The following RBFOX2 variants were observed in gnomAD, a reference collection of about 807,000 sequenced individuals.
RBFOX2 encodes the protein RNA binding protein fox-1 homolog 2.
Under a neutral mutation model 49.1 loss-of-function variants are expected in RBFOX2, and 10 were observed. That is an observed-to-expected ratio of 0.20 (90% CI 0.13 to 0.35). The LOEUF is 0.35. Among genes scored for constraint, RBFOX2 ranks in the 10% least tolerant of loss-of-function variants. The pLI is 1.00. For synonymous variants in RBFOX2, 183 were observed against 187.4 expected, an observed-to-expected ratio of 0.98 and a Z score of 0.19; for missense variants, 323 against 486.9, an observed-to-expected ratio of 0.66 and a Z score of 3.17.
At chr22:35,978,232 A>T (rs774427289) in intron 1 of RBFOX2, among the ~76,000 whole-genome samples, 5 of 152,216 alleles carry the variant, frequency 3.3e-5, no homozygotes, top group Non-Finnish European at 7.3e-5. Flanking sequence ...ATCAGTGTGA[A>T]TTCATGATTT....
intron 4 of RBFOX2, among the ~76,000 whole-genome samples, chr22:35,774,421 A>G (rs1271331173): frequency 1.3e-5 from 2 of 152,142 alleles, no homozygotes; most frequent in African/African-American, 2.4e-5. Flanking sequence ...TTTCCATCAT[A>G]TATCTTAATA....
intron 1 of RBFOX2, among the ~76,000 whole-genome samples, chr22:35,855,555 G>T (rs1449943048): frequency 1.3e-5 from 2 of 152,080 alleles, no homozygotes; most frequent in Non-Finnish European, 2.9e-5. Flanking sequence ...ACAGGCGCAT[G>T]TCATGGCTCC....
intron 1 of RBFOX2, among the ~76,000 whole-genome samples, chr22:35,867,251 TACC>T (rs1359310848): frequency 6.6e-6 from 1 of 152,174 alleles, no homozygotes; most frequent in East Asian, 1.9e-4. Context: ...TTCCATCAAA[TACC>T]ACACTTGAAA....
chr22:35,746,702 T>C (rs1932875039), intron 9 of RBFOX2, 141 bp from the exon 12 acceptor site: 2 of 430,470 alleles, frequency 4.6e-6, no homozygotes, highest in Non-Finnish European at 8.2e-6. Flanking sequence ...GGGAAGAAAA[T>C]GTTTCAAACT....
chr22:35,967,346 C>G (rs2056620899), intron 1 of RBFOX2, among the ~76,000 whole-genome samples: 1 of 150,650 alleles, frequency 6.6e-6, no homozygotes, highest in South Asian at 2.1e-4. Context: ...CCACCGCACT[C>G]TAGCCTGGGC....
rs1303440924 is a variant in RBFOX2 at position 35,898,314 on chromosome 22, G to A, written c.-34+40533C>T. 2.9e-5 allele frequency: 21 copies of A among 734,976 alleles called. 1 individual carries two copies. In the Admixed American group the frequency reaches 3.7e-4, roughly 13 times the overall value. 45.5% of individuals were successfully genotyped at this position (734,976 alleles called of 1,614,324 possible). A position where few individuals can be genotyped will look rare whatever the true frequency, so the allele number is the denominator to read the frequency against. The stretch of plus-strand genomic sequence containing the variant: ...GCATGATGAAGCTGGCAATGGAGTG[G>A]GCTGTGACACACGGATGTGGCTATT... On this transcript the variant is annotated intron_variant, in intron 1 of 13. Transcript: ENST00000359369.
At chr22:35,959,416 G>C (rs1310486406) in intron 1 of RBFOX2, among the ~76,000 whole-genome samples, 1 of 152,176 alleles carries the variant, frequency 6.6e-6, no homozygotes, top group African/African-American at 2.4e-5. Flanking sequence ...TCTATACACT[G>C]GTTTAGCCAC....
intron 9 of RBFOX2, among the ~76,000 whole-genome samples, chr22:35,753,342 G>A (rs1935664634): frequency 6.6e-6 from 1 of 152,094 alleles, no homozygotes; most frequent in Admixed American, 6.5e-5. Context: ...CCTCACATGT[G>A]GAATACAGAA....
At chr22:35,873,945 G>GT (rs1321089142) in intron 1 of RBFOX2, among the ~76,000 whole-genome samples, 1 of 152,120 alleles carries the variant, frequency 6.6e-6, no homozygotes, top group Non-Finnish European at 1.5e-5. Context: ...AGAGTGCTGG[G>GT]ATTACAAGAG....
chr22:35,898,237 G>A (rs2048114795), intron 1 of RBFOX2: 6 of 757,550 alleles, frequency 7.9e-6, no homozygotes, highest in South Asian at 2.7e-5. Flanking sequence ...AAACCCAGTG[G>A]CCACAATCCC....
At chr22:35,926,075 T>C (rs925120628) in intron 1 of RBFOX2, among the ~76,000 whole-genome samples, 3 of 152,248 alleles carry the variant, frequency 2.0e-5, no homozygotes, top group Non-Finnish European at 4.4e-5. Context: ...CCCGTAACTA[T>C]ATTGTCCACC....
chr22:35,801,452 C>A (rs928315134), intron 2 of RBFOX2, among the ~76,000 whole-genome samples: 20 of 147,982 alleles, frequency 1.4e-4, no homozygotes, highest in Non-Finnish European at 2.7e-4. Flanking sequence ...CACACACTCT[C>A]TCTCTCTCTC....
intron 1 of RBFOX2, chr22:35,821,850 G>A (rs1954593509): frequency 1.9e-6 from 1 of 518,758 alleles, no homozygotes; most frequent in South Asian, 1.4e-5. Flanking sequence ...TGAAGGAAGG[G>A]GTCAAGTGAG....
intron 1 of RBFOX2, among the ~76,000 whole-genome samples, chr22:35,949,442 T>C (rs190041577): frequency 2.0e-5 from 3 of 152,224 alleles, no homozygotes; most frequent in African/African-American, 7.2e-5. Flanking sequence ...CTTTGGTGTT[T>C]GCACAGTGAC....
Position 35,804,123 on chromosome 22 carries a change from C to G in RBFOX2, c.252+5657G>C, listed in dbSNP as rs540979640. On this transcript the variant is annotated intron_variant, in intron 2 of 11. Coordinates refer to ENST00000405409, the Ensembl canonical transcript of RBFOX2. ...TGAAACCCCATCTCTACTAAAAATA[C>G]AAAAATGAGCTGGGCATGGTGGTGC... 2.0e-4 allele frequency among the ~76,000 whole-genome samples: 31 copies of G among 152,086 alleles called. No homozygotes were observed. The East Asian group carries it at 5.8e-3, about 29-fold the overall frequency.
intron 1 of RBFOX2, chr22:35,999,983 T>TTATATATATATA (rs373901120): frequency 4.4e-5 from 6 of 135,596 alleles, no homozygotes; most frequent in Non-Finnish European, 9.4e-5. Context: ...AATATAAAAG[T>TTATATATATATA]TATATATATA....
At chr22:35,976,475 T>C (rs1326968872) in intron 1 of RBFOX2, among the ~76,000 whole-genome samples, 1 of 152,172 alleles carries the variant, frequency 6.6e-6, no homozygotes, top group Non-Finnish European at 1.5e-5. Flanking sequence ...TTCACAAATA[T>C]TTCCCTTGTG....
upstream of RBFOX2, among the ~76,000 whole-genome samples, chr22:35,843,315 AG>A (rs2040750001): frequency 6.6e-6 from 1 of 152,178 alleles, no homozygotes; most frequent in South Asian, 2.1e-4. Flanking sequence ...CTAATGAAGG[AG>A]GCCCTGCCTT....
intron 1 of RBFOX2, among the ~76,000 whole-genome samples, chr22:35,974,117 C>T: frequency 6.6e-6 from 1 of 152,148 alleles, no homozygotes; most frequent in East Asian, 1.9e-4. Context: ...TCGGCTGACT[C>T]CCAAACCAGC....
Sources: allele counts gnomAD v4.1 joint callset (sites outside exome capture counted in the v4.1 genomes callset), GRCh38; gene constraint gnomAD v4.1.1; transcripts MANE v1.5; gene names NCBI Gene and HGNC (gene_info 2026-07-23, HGNC 2026-07-21).